LOXHD1: variants seen among roughly 807,000 people sequenced by gnomAD.
The protein encoded by LOXHD1 is lipoxygenase homology PLAT domains 1.
LOXHD1 carries 205 observed loss-of-function variants against 248.2 expected under a neutral mutation model. That is an observed-to-expected ratio of 0.83 (90% confidence interval 0.74 to 0.93). The LOEUF (loss-of-function observed/expected upper bound fraction) is 0.93, where lower values mean the gene tolerates loss of function less well. Among genes scored for constraint, LOXHD1 ranks in the 40% least tolerant of loss-of-function variants. The probability of loss-of-function intolerance (pLI) is 0.00; values close to 1 mark genes in which losing one functional copy is unlikely to be tolerated. For missense variants in LOXHD1, 2,930 were observed against 2,971.6 expected, an observed-to-expected ratio of 0.99 and a Z score of 0.33; for synonymous variants, 1,113 against 1,162.8, an observed-to-expected ratio of 0.96 and a Z score of 0.87.
intron 26 of LOXHD1, among the ~76,000 whole-genome samples, chr18:46,534,769 T>G (rs2036234201): frequency 6.6e-6 from 1 of 152,216 alleles, no homozygotes; most frequent in Non-Finnish European, 1.5e-5. Flanking sequence ...TCATCCCCTG[T>G]GTGAGAACTG....
chr18:46,534,364 C>G lies in LOXHD1; in HGVS notation c.4183G>C (p.Asp1395His). The G allele has an allele frequency of 6.4e-7, 1 of 1,551,600 alleles. No individual in the cohort carries two copies. The highest frequency in any genetic ancestry group is 8.7e-7 in the Non-Finnish European group (1 of 1,146,920). Reference sequence around the variant, plus strand: ...TTATCCGGGAGGAGCCTGCGGATGTCCACGTGAGAGCAGTGCCACCCAGGA... The same window carrying G: ...TTATCCGGGAGGAGCCTGCGGATGTGCACGTGAGAGCAGTGCCACCCAGGA... ...MNPGWHCSHV[D>H]IRRLLPDKDG... The change falls in exon 27 of 41, where the codon GAC becomes CAC. Residue 1395 changes from aspartate to histidine, a missense_variant. By Grantham distance (81) the Asp-to-His change is moderately conservative (BLOSUM62 -1). Transcript: ENST00000642948.
intron 12 of LOXHD1, among the ~76,000 whole-genome samples, chr18:46,582,307 C>G (rs2037979033): frequency 6.6e-6 from 1 of 151,800 alleles, no homozygotes; most frequent in Non-Finnish European, 1.5e-5. Context: ...TATATTGGAA[C>G]AAAGTTTTTG....
chr18:46,635,972 CA>C (rs1230131204), intron 4 of LOXHD1, among the ~76,000 whole-genome samples: 1 of 152,226 alleles, frequency 6.6e-6, no homozygotes, highest in Admixed American at 6.5e-5. Context: ...CCCAGAAAAC[CA>C]AAAGCCACAG....
intron 38 of LOXHD1, 80 bp from the exon 39 acceptor site, chr18:46,485,231 C>T: frequency 6.7e-7 from 1 of 1,488,954 alleles, no homozygotes; most frequent in Non-Finnish European, 9.0e-7. Flanking sequence ...GGGTCACGGC[C>T]TCCGGTCCTT....
At chr18:46,505,032 C>A (rs78440105) in intron 37 of LOXHD1, among the ~76,000 whole-genome samples, 2,690 of 152,256 alleles carry the variant, frequency 0.018, 72 homozygotes, top group African/African-American at 0.061. Context: ...ACATGAACGT[C>A]ATCACAGTTA....
rs1368084221 is a variant in LOXHD1, at chr18:46,542,830, C to T, written c.3645G>A (p.Lys1215=). ...CCCTCTCAAACTTATCGCTGTTTGT[C>T]TTGGAGGACTTCAGGAGGGTCATTC... is the stretch of plus-strand genomic sequence containing the variant. The part of the protein sequence containing the change: ...DTGMTLLKSS[K]TNSDKFERDS... Residue 1215 remains lysine, a synonymous_variant, in exon 24 of 41, where the codon AAG becomes AAA. Coordinates refer to ENST00000642948, the MANE Select transcript of LOXHD1 (RefSeq NM_001384474.1). 3.2e-6 allele frequency: 5 copies of T among 1,551,754 alleles called. No homozygotes were observed. The highest frequency in any genetic ancestry group is 2.4e-5 in the South Asian group (2 of 84,042).
chr18:46,622,301 G>C (rs1176080089), intron 4 of LOXHD1, among the ~76,000 whole-genome samples: 1 of 152,188 alleles, frequency 6.6e-6, no homozygotes, highest in Non-Finnish European at 1.5e-5. Context: ...ATGGGTATGT[G>C]GCTATGCTAC....
At chr18:46,587,810 C>T (rs2038090400) in intron 12 of LOXHD1, among the ~76,000 whole-genome samples, 1 of 152,102 alleles carries the variant, frequency 6.6e-6, no homozygotes, top group African/African-American at 2.4e-5. Context: ...CATGTAGCTC[C>T]TGAGGGACAG....
intron 1 of LOXHD1, among the ~76,000 whole-genome samples, chr18:46,652,175 C>T (rs1332066839): frequency 3.3e-5 from 5 of 152,040 alleles, no homozygotes; most frequent in African/African-American, 9.7e-5. Context: ...TAGAAGAGAC[C>T]AATCTAATCT....
intron 35 of LOXHD1, among the ~76,000 whole-genome samples, chr18:46,508,948 T>C (rs2034768855): frequency 6.6e-6 from 1 of 152,140 alleles, no homozygotes; most frequent in African/African-American, 2.4e-5. Context: ...CTGGGCAGCC[T>C]GAAGGCACAG....
intron 1 of LOXHD1, 140 bp downstream of exon 1, chr18:46,656,764 G>C: frequency 1.0e-6 from 1 of 1,002,028 alleles, no homozygotes; most frequent in South Asian, 1.7e-5. Context: ...ACTCCGAGGG[G>C]ATATGGAACA....
chr18:46,618,136 C>T (rs900880900), intron 5 of LOXHD1, 56 bp downstream of exon 5: 5 of 1,316,150 alleles, frequency 3.8e-6, no homozygotes, highest in Non-Finnish European at 5.3e-6. Context: ...GTGGGAACCC[C>T]ATCTACAAAA....
Position 46,645,771 on chromosome 18 carries a change from G to GA in LOXHD1, c.245+3383dup, listed in dbSNP as rs370511433. Among the ~76,000 whole-genome samples the GA allele has an allele frequency of 5.6e-4, 83 of 147,080 alleles. 1 individual carries two copies. In the South Asian group the frequency reaches 7.8e-3, roughly 14 times the overall value. On this transcript the variant is annotated intron_variant, in intron 2 of 40. Coordinates refer to ENST00000642948, the MANE Select transcript of LOXHD1 (RefSeq NM_001384474.1). ...TGGAGAAGGAATTATTCTGTACTAGGAAAAAAAAAAATCCTAATACAGCAT... is the reference window on the plus strand; with the variant it reads ...TGGAGAAGGAATTATTCTGTACTAGGAAAAAAAAAAAATCCTAATACAGCAT...
intron 21 of LOXHD1, among the ~76,000 whole-genome samples, chr18:46,551,662 G>A (rs896981581): frequency 6.6e-6 from 1 of 152,038 alleles, no homozygotes; most frequent in Non-Finnish European, 1.5e-5. Context: ...GCTAGAGAAG[G>A]CAGGAGGAGT....
chr18:46,502,079 T>A (rs933386880), intron 37 of LOXHD1, among the ~76,000 whole-genome samples: 6 of 152,216 alleles, frequency 3.9e-5, no homozygotes, highest in Non-Finnish European at 8.8e-5. Context: ...AATAAACATT[T>A]TAAATATTTT....
At chr18:46,538,129 C>T in intron 26 of LOXHD1, 27 bp downstream of exon 26, 4 of 1,518,866 alleles carry the variant, frequency 2.6e-6, no homozygotes, top group Non-Finnish European at 3.6e-6. Context: ...CTACTCCATC[C>T]CTGGACAGCC....
At chr18:46,608,347 A>G (rs1417584411) in intron 6 of LOXHD1, among the ~76,000 whole-genome samples, 1 of 152,194 alleles carries the variant, frequency 6.6e-6, no homozygotes, top group Non-Finnish European at 1.5e-5. Context: ...GACAACAAAG[A>G]AACACATCTT....
chr18:46,560,837 T>TACAC (rs372245427), intron 18 of LOXHD1, among the ~76,000 whole-genome samples: 32 of 146,756 alleles, frequency 2.2e-4, no homozygotes, highest in Non-Finnish European at 4.2e-4. Context: ...CCTGCACGTA[T>TACAC]ACACACACAC....
At chr18:46,550,604 GTC>G in intron 21 of LOXHD1, among the ~76,000 whole-genome samples, 2 of 79,554 alleles carry the variant, frequency 2.5e-5, no homozygotes, top group Non-Finnish European at 6.8e-5. Flanking sequence ...AAAAAAAAGA[GTC>G]AGCGTGTGAT....
Sources: allele counts gnomAD v4.1 joint callset (sites outside exome capture counted in the v4.1 genomes callset), GRCh38; gene constraint gnomAD v4.1.1; transcripts MANE v1.5; gene names NCBI Gene and HGNC (gene_info 2026-07-23, HGNC 2026-07-21).